The following GRIK2 variants were observed in gnomAD, a reference collection of about 807,000 sequenced individuals.
The protein encoded by GRIK2 is glutamate receptor ionotropic, kainate 2.
A neutral mutation model predicts 100.3 loss-of-function variants in GRIK2; 32 were observed. The ratio of observed to expected loss-of-function variants is 0.32; its 90% CI spans 0.24 to 0.43. The LOEUF is 0.43. GRIK2 is among the 20% of genes least tolerant of loss of function. The probability of loss-of-function intolerance (pLI) is 1.00; values close to 1 mark genes in which losing one functional copy is unlikely to be tolerated. For synonymous variants in GRIK2, 417 were observed against 389.4 expected, an observed-to-expected ratio of 1.07 and a Z score of -0.83; for missense variants, 843 against 1,114.9, an observed-to-expected ratio of 0.76 and a Z score of 3.47.
chr6:101,664,830 C>G (rs1349647419), intron 4 of GRIK2, among the ~76,000 whole-genome samples: 1 of 152,126 alleles, frequency 6.6e-6, no homozygotes, highest in East Asian at 1.9e-4. Context: ...AGCAAAGGCA[C>G]ATCTTACATG....
At chr6:101,580,304 C>T (rs752162878) in intron 2 of GRIK2, among the ~76,000 whole-genome samples, 28 of 152,068 alleles carry the variant, frequency 1.8e-4, no homozygotes, top group Non-Finnish European at 3.7e-4. Context: ...CCTGATTTAA[C>T]AAATGGCTAC....
intron 14 of GRIK2, among the ~76,000 whole-genome samples, chr6:101,938,856 A>T (rs914557527): frequency 3.3e-5 from 5 of 152,058 alleles, no homozygotes; most frequent in African/African-American, 1.2e-4. Flanking sequence ...TGGCGATAAA[A>T]TGTACTTTTA....
chr6:101,583,219 G>T (rs1778185440), intron 2 of GRIK2, among the ~76,000 whole-genome samples: 1 of 152,108 alleles, frequency 6.6e-6, no homozygotes, highest in Non-Finnish European at 1.5e-5. Flanking sequence ...ATAAAGGGGA[G>T]TCGGCTGGTG....
At chr6:101,931,179 G>T (rs1790260732) in intron 14 of GRIK2, among the ~76,000 whole-genome samples, 1 of 151,884 alleles carries the variant, frequency 6.6e-6, no homozygotes, top group Non-Finnish European at 1.5e-5. Context: ...TTCCAGCTAT[G>T]GTAAGAAATT....
At position 101,889,763 on chromosome 6, in the gene GRIK2, C is replaced by T. The variant is rs779644878; in HGVS notation, c.1648C>T (p.Pro550Ser). Residue 550 changes from proline to serine, a missense_variant, in exon 12 of 17, where the codon CCA becomes TCA. By Grantham distance (74) the Pro-to-Ser change is moderately conservative (BLOSUM62 -1). Coordinates refer to ENST00000369134, the MANE Select transcript of GRIK2 (RefSeq NM_021956.5). The stretch of plus-strand genomic sequence containing the variant: ...GTACCGCAAGCCCAATGGTACAAAC[C>T]CAGGCGTCTTCTCCTTCCTGAATCC... Reference protein sequence around the residue: ...ILYRKPNGTNPGVFSFLNPLS... With the variant: ...ILYRKPNGTNSGVFSFLNPLS... 1.4e-5 allele frequency: 23 copies of T among 1,612,654 alleles called. No homozygotes were observed. The highest frequency in any genetic ancestry group is 1.8e-5 in the Non-Finnish European group (21 of 1,179,012).
Position 101,799,761 on chromosome 6 carries a change from C to T in GRIK2, c.1065C>T (p.Phe355=), listed in dbSNP as rs542238643. Residue 355 remains phenylalanine (F), a synonymous_variant, in exon 8 of 17, where the codon TTC becomes TTT. Transcript: ENST00000369134. ...LQCNRHKPWR[F]GTRFMSLIKE... ...GTAATCGACATAAACCCTGGCGCTTCGGGACCCGCTTTATGAGTCTAATTA... is the reference window on the plus strand; with the variant it reads ...GTAATCGACATAAACCCTGGCGCTTTGGGACCCGCTTTATGAGTCTAATTA... 1.3e-4 allele frequency: 217 copies of T among 1,613,412 alleles called. 2 individuals carry two copies. In the South Asian group the frequency reaches 2.2e-3, roughly 17 times the overall value.
At chr6:101,767,799 T>C (rs947220494) in intron 7 of GRIK2, among the ~76,000 whole-genome samples, 1 of 152,162 alleles carries the variant, frequency 6.6e-6, no homozygotes, top group Non-Finnish European at 1.5e-5. Flanking sequence ...TTTATGAGTA[T>C]GGAAATGTTA....
intron 10 of GRIK2, among the ~76,000 whole-genome samples, chr6:101,834,630 T>G (rs192730501): frequency 1.6e-3 from 248 of 152,316 alleles, no homozygotes; most frequent in Non-Finnish European, 2.9e-3. Context: ...TATTTAATAA[T>G]TCATTTAAAT....
At chr6:102,047,662 T>C (rs980987140) in intron 15 of GRIK2, among the ~76,000 whole-genome samples, 2 of 151,760 alleles carry the variant, frequency 1.3e-5, no homozygotes, top group African/African-American at 2.4e-5. Flanking sequence ...GGCAGGAGAA[T>C]TGCTTTAACC....
At chr6:101,605,122 C>T (rs1405929988) in intron 2 of GRIK2, among the ~76,000 whole-genome samples, 2 of 152,004 alleles carry the variant, frequency 1.3e-5, no homozygotes, top group East Asian at 3.9e-4. Flanking sequence ...CCTCTCAACA[C>T]AATGCATATG....
At chr6:101,547,498 T>G (rs1386989468) in intron 2 of GRIK2, among the ~76,000 whole-genome samples, 2 of 152,224 alleles carry the variant, frequency 1.3e-5, no homozygotes, top group Non-Finnish European at 2.9e-5. Flanking sequence ...GGACCCAGTC[T>G]GTGATGTTCC....
At chr6:101,587,754 A>T (rs1022910116) in intron 2 of GRIK2, among the ~76,000 whole-genome samples, 1 of 152,112 alleles carries the variant, frequency 6.6e-6, no homozygotes, top group Non-Finnish European at 1.5e-5. Flanking sequence ...TCAAACTAGA[A>T]CTCTAAATCA....
At chr6:101,662,245 C>A (rs1051141917) in intron 4 of GRIK2, among the ~76,000 whole-genome samples, 1 of 152,164 alleles carries the variant, frequency 6.6e-6, no homozygotes, top group Non-Finnish European at 1.5e-5. Context: ...TCTGTGTGAA[C>A]TGTGAAGCAG....
intron 2 of GRIK2, among the ~76,000 whole-genome samples, chr6:101,480,347 A>G (rs1772462683): frequency 6.6e-6 from 1 of 152,162 alleles, no homozygotes; most frequent in Non-Finnish European, 1.5e-5. Context: ...CAATCCTGCT[A>G]TTAAAATATC....
chr6:101,448,995 A>G (rs1328761614), intron 2 of GRIK2, among the ~76,000 whole-genome samples: 1 of 151,660 alleles, frequency 6.6e-6, no homozygotes, highest in East Asian at 1.9e-4. Context: ...AAGAAAGCAG[A>G]GAATATACTG....
At chr6:101,477,155 G>A (rs892362849) in intron 2 of GRIK2, among the ~76,000 whole-genome samples, 4 of 152,096 alleles carry the variant, frequency 2.6e-5, no homozygotes, top group African/African-American at 7.2e-5. Context: ...TTCTTTAAGT[G>A]GGTTGCATAC....
chr6:101,623,700 A>G (rs542645254), intron 3 of GRIK2, among the ~76,000 whole-genome samples: 1 of 151,252 alleles, frequency 6.6e-6, no homozygotes, highest in Non-Finnish European at 1.5e-5. Context: ...TGACCAAAAT[A>G]TTATAAGAAA....
intron 4 of GRIK2, among the ~76,000 whole-genome samples, chr6:101,648,078 C>A (rs1781613009): frequency 6.6e-6 from 1 of 152,038 alleles, no homozygotes; most frequent in Non-Finnish European, 1.5e-5. Context: ...GGCAACATCA[C>A]CCCTGATGGA....
In GRIK2 at chr6:101,802,256, T is replaced by G. The variant is rs1780719438; in HGVS notation, c.1096-75T>G. 1.7e-5 allele frequency: 9 copies of G among 519,940 alleles called. No individual in the cohort carries two copies. In the East Asian group the frequency reaches 2.8e-4, roughly 16 times the overall value. 32.2% of individuals were successfully genotyped at this position (519,940 alleles called of 1,614,324 possible). A position where few individuals can be genotyped will look rare whatever the true frequency, so the allele number is the denominator to read the frequency against. ...AAACTGAAAAGTAATGAATATAAGT[T>G]TCCTACTTTTGTGAAAAAATGTTTA... On this transcript the variant is annotated intron_variant, in intron 8 of 16. Coordinates refer to ENST00000369134, the MANE Select transcript of GRIK2 (RefSeq NM_021956.5).
Sources: allele counts gnomAD v4.1 joint callset (sites outside exome capture counted in the v4.1 genomes callset), GRCh38; gene constraint gnomAD v4.1.1; transcripts MANE v1.5; gene names NCBI Gene and HGNC (gene_info 2026-07-23, HGNC 2026-07-21).